The following FHIT variants were observed in gnomAD, a reference collection of about 807,000 sequenced individuals.
FHIT encodes the protein fragile histidine triad diadenosine triphosphatase, also known as bis(5'-adenosyl)-triphosphatase.
In FHIT, 19 loss-of-function variants were observed where a neutral mutation model predicts 17.9. The observed-to-expected ratio is 1.06, with a 90% CI of 0.74 to 1.56. The LOEUF is 1.56. FHIT is among the 40% of genes most tolerant of loss of function. The pLI, the probability that FHIT is intolerant of heterozygous loss-of-function variation, is 0.00. For missense variants in FHIT, 248 were observed against 189.2 expected (o/e 1.31, Z -1.82); for synonymous variants, 81 against 69.7 (o/e 1.16, Z -0.81).
intron 5 of FHIT, among the ~76,000 whole-genome samples, chr3:60,086,476 T>C (rs1307442193): frequency 6.6e-6 from 1 of 152,152 alleles, no homozygotes; most frequent in East Asian, 1.9e-4. Flanking sequence ...AAGTTTAAAG[T>C]CCGAAGTCTC....
At chr3:59,987,239 A>G (rs570499740) in intron 7 of FHIT, among the ~76,000 whole-genome samples, 1 of 150,774 alleles carries the variant, frequency 6.6e-6, no homozygotes, top group Admixed American at 6.7e-5. Context: ...CTTTTCCTGA[A>G]ACTCTGTAAA....
At chr3:60,934,734 A>G (rs782113284) in intron 3 of FHIT, among the ~76,000 whole-genome samples, 4 of 152,228 alleles carry the variant, frequency 2.6e-5, no homozygotes, top group Non-Finnish European at 5.9e-5. Context: ...GCCCTAATGC[A>G]AATTCTAAAT....
intron 5 of FHIT, among the ~76,000 whole-genome samples, chr3:60,105,681 G>C (rs1704377709): frequency 1.3e-5 from 2 of 152,092 alleles, no homozygotes; most frequent in Admixed American, 6.6e-5. Flanking sequence ...AAATATGTTA[G>C]CAAGACAGAA....
chr3:60,416,089 G>C (rs1277214828), intron 5 of FHIT, among the ~76,000 whole-genome samples: 1 of 151,214 alleles, frequency 6.6e-6, no homozygotes, highest in African/African-American at 2.4e-5. Context: ...TAAAATAGTG[G>C]AAAAAACATA....
At chr3:60,156,890 A>G (rs532395745) in intron 5 of FHIT, among the ~76,000 whole-genome samples, 2 of 152,292 alleles carry the variant, frequency 1.3e-5, no homozygotes, top group South Asian at 2.1e-4. Context: ...GTCTTAATCA[A>G]TGTGCATTAG....
chr3:59,956,623 G>A (rs764252634), intron 7 of FHIT, among the ~76,000 whole-genome samples: 11 of 152,062 alleles, frequency 7.2e-5, no homozygotes, highest in Non-Finnish European at 1.5e-4. Flanking sequence ...AGCCAAGATC[G>A]CGCCACTGCA....
At chr3:59,906,166 C>T (rs1221504250) in intron 8 of FHIT, among the ~76,000 whole-genome samples, 3 of 152,164 alleles carry the variant, frequency 2.0e-5, no homozygotes, top group African/African-American at 7.2e-5. Context: ...CTGGACAGTA[C>T]AATGCTCTTG....
chr3:60,323,654 C>G (rs569406154), intron 5 of FHIT, among the ~76,000 whole-genome samples: 2 of 152,336 alleles, frequency 1.3e-5, no homozygotes, highest in East Asian at 3.9e-4. Context: ...CCTGTACTAT[C>G]ATTCCGGTCT....
At chr3:61,248,473 A>C (rs960466446) in intron 1 of FHIT, among the ~76,000 whole-genome samples, 2 of 152,224 alleles carry the variant, frequency 1.3e-5, no homozygotes, top group Non-Finnish European at 2.9e-5. Context: ...TACATAATTG[A>C]AAGGGCCAAT....
At chr3:60,138,780 A>G (rs1267623001) in intron 5 of FHIT, among the ~76,000 whole-genome samples, 1 of 152,148 alleles carries the variant, frequency 6.6e-6, no homozygotes, top group Non-Finnish European at 1.5e-5. Context: ...GATGACCACG[A>G]GGAGTACCAC....
intron 5 of FHIT, among the ~76,000 whole-genome samples, chr3:60,227,608 A>C (rs1259286700): frequency 1.3e-5 from 2 of 152,214 alleles, no homozygotes; most frequent in Non-Finnish European, 1.5e-5. Flanking sequence ...ACGAACACTG[A>C]TTTAATCTAT....
At chr3:60,392,226 T>G (rs558895717) in intron 5 of FHIT, among the ~76,000 whole-genome samples, 1 of 152,284 alleles carries the variant, frequency 6.6e-6, no homozygotes, top group African/African-American at 2.4e-5. Flanking sequence ...CAGAGCAACA[T>G]GAATAACATG....
chr3:61,173,653 C>T (rs2038076557), intron 2 of FHIT, among the ~76,000 whole-genome samples: 1 of 152,172 alleles, frequency 6.6e-6, no homozygotes, highest in Non-Finnish European at 1.5e-5. Flanking sequence ...TTTCCTACCA[C>T]TCTACTTTGT....
At chr3:60,759,694 T>G (rs1283596026) in intron 4 of FHIT, among the ~76,000 whole-genome samples, 1 of 152,192 alleles carries the variant, frequency 6.6e-6, no homozygotes, top group African/African-American at 2.4e-5. Context: ...AACTGTATCA[T>G]GTACTGCTGA....
rs149816090 is a variant in FHIT at position 60,200,777 on chromosome 3, T to C, written c.104-186625A>G. On this transcript the variant is annotated intron_variant, in intron 5 of 9. Transcript: ENST00000492590. ...AATGCTACACTGCTCTTGATGATAT[T>C]CGGTTAAAAATGGGCCAGCCTTTGA... Among the ~76,000 whole-genome samples, 58 of 152,232 alleles carry C rather than the reference T, an allele frequency of 3.8e-4. 1 individual carries two copies. The East Asian group carries it at 9.9e-3, about 26-fold the overall frequency.
At chr3:59,975,331 C>G (rs913689066) in intron 7 of FHIT, among the ~76,000 whole-genome samples, 3 of 152,064 alleles carry the variant, frequency 2.0e-5, no homozygotes, top group Non-Finnish European at 4.4e-5. Context: ...CTCTTAAACT[C>G]TCTGTGTCCC....
chr3:60,229,021 C>T (rs1704356300), intron 5 of FHIT, among the ~76,000 whole-genome samples: 1 of 152,176 alleles, frequency 6.6e-6, no homozygotes, highest in African/African-American at 2.4e-5. Flanking sequence ...TTGAGTGACA[C>T]ACCACTGCCT....
rs574660741 is a variant in FHIT, at chr3:59,890,343, T to C, written c.348+32003A>G. Among the ~76,000 whole-genome samples the C allele has an allele frequency of 6.6e-5, 10 of 152,246 alleles. No homozygotes were observed. The East Asian group carries it at 1.7e-3, about 26-fold the overall frequency. ...TGTTAGAATGGCCATAAATACGGAC[T>C]GAGCATCAATCTGGGACTCTTTTTC... On this transcript the variant is annotated intron_variant, in intron 8 of 9. Transcript: ENST00000492590.
At chr3:60,557,834 T>C (rs1289822602) in intron 4 of FHIT, among the ~76,000 whole-genome samples, 3 of 152,092 alleles carry the variant, frequency 2.0e-5, no homozygotes. Flanking sequence ...TGATGTGTGT[T>C]CTCCCAGTGC....
Sources: allele counts gnomAD v4.1 joint callset (sites outside exome capture counted in the v4.1 genomes callset), GRCh38; gene constraint gnomAD v4.1.1; transcripts MANE v1.5; gene names NCBI Gene and HGNC (gene_info 2026-07-23, HGNC 2026-07-21).